The following GDA variants were observed in gnomAD, a reference collection of about 807,000 sequenced individuals.
GDA encodes the protein guanine deaminase, also known as cytoplasmic PSD-95 interactor.
A neutral mutation model predicts 59.6 loss-of-function variants in GDA; 18 were observed. The ratio of observed to expected loss-of-function variants is 0.30; its 90% CI spans 0.21 to 0.45. The LOEUF is 0.45. Among genes scored for constraint, GDA ranks in the 20% least tolerant of loss-of-function variants. The pLI, the probability that GDA is intolerant of heterozygous loss-of-function variation, is 1.00. For missense variants in GDA, 427 were observed against 552.3 expected (o/e 0.77, Z 2.27); for synonymous variants, 201 against 201.1 (o/e 1.00, Z 0.00).
At chr9:72,191,018 G>A (rs778352661) in intron 1 of GDA, among the ~76,000 whole-genome samples, 4 of 151,958 alleles carry the variant, frequency 2.6e-5, no homozygotes, top group African/African-American at 7.3e-5. Context: ...GAGTAGATGC[G>A]AATGGAAAAA....
chr9:72,226,221 T>C (rs1250403103), intron 8 of GDA, among the ~76,000 whole-genome samples: 2 of 152,188 alleles, frequency 1.3e-5, no homozygotes, highest in African/African-American at 4.8e-5. Context: ...ATGCTAATTT[T>C]ATATTAAAGT....
intron 10 of GDA, among the ~76,000 whole-genome samples, chr9:72,237,570 A>T (rs377499892): frequency 1.3e-3 from 193 of 152,220 alleles, no homozygotes; most frequent in African/African-American, 4.5e-3. Context: ...CATGTGATTT[A>T]ATATACTCAG....
intron 1 of GDA, among the ~76,000 whole-genome samples, chr9:72,153,855 C>T (rs368742321): frequency 2.9e-4 from 43 of 146,556 alleles, no homozygotes; most frequent in African/African-American, 1.0e-3. Flanking sequence ...GGAGATATAC[C>T]TAATGCTAAA....
chr9:72,246,479 C>A (rs1246893498), intron 12 of GDA, among the ~76,000 whole-genome samples: 1 of 152,146 alleles, frequency 6.6e-6, no homozygotes, highest in Admixed American at 6.5e-5. Flanking sequence ...GACATAGGTG[C>A]CTTCATAAGG....
chr9:72,232,580 A>T (rs1238037912), intron 10 of GDA, among the ~76,000 whole-genome samples: 1 of 152,206 alleles, frequency 6.6e-6, no homozygotes. Flanking sequence ...TTGGTTACAC[A>T]CTATAGTCAG....
intron 1 of GDA, among the ~76,000 whole-genome samples, chr9:72,190,677 A>G (rs888171738): frequency 6.6e-6 from 1 of 152,136 alleles, no homozygotes; most frequent in Admixed American, 6.5e-5. Flanking sequence ...TTGAATTACT[A>G]ATTCTATTCT....
chr9:72,197,559 T>C (rs2131293052), intron 2 of GDA: 1 of 152,246 alleles, frequency 6.6e-6, no homozygotes, highest in Non-Finnish European at 1.5e-5. Context: ...TAAACATAAC[T>C]GTGGGTCTTC....
chr9:72,233,212 A>T (rs1450111981), intron 10 of GDA, among the ~76,000 whole-genome samples: 4 of 152,242 alleles, frequency 2.6e-5, no homozygotes, highest in Admixed American at 2.6e-4. Flanking sequence ...CACCCTGTCT[A>T]TAACAAGTGC....
At chr9:72,122,297 G>A (rs1205270682) in intron 1 of GDA, among the ~76,000 whole-genome samples, 1 of 152,164 alleles carries the variant, frequency 6.6e-6, no homozygotes, top group Non-Finnish European at 1.5e-5. Flanking sequence ...TTCTTGGCAT[G>A]AGCAGCTAGA....
At chr9:72,236,505 A>G (rs919123546) in intron 10 of GDA, among the ~76,000 whole-genome samples, 1 of 152,188 alleles carries the variant, frequency 6.6e-6, no homozygotes, top group Non-Finnish European at 1.5e-5. Flanking sequence ...CGAAATTCAC[A>G]CACCTTTCTG....
Position 72,245,144 on chromosome 9 carries a change from A to G in GDA, c.1136-4A>G. On this transcript the variant is annotated splice_region_variant and splice_polypyrimidine_tract_variant and intron_variant, in intron 11 of 13. Coordinates refer to ENST00000358399, the MANE Select transcript of GDA (RefSeq NM_004293.5). Reference sequence around the variant, plus strand: ...CTGACTGTTTATTCACTTGTTCTCAATAGCCCTGGGGCTGGATGGTGAGAT... The same window carrying G: ...CTGACTGTTTATTCACTTGTTCTCAGTAGCCCTGGGGCTGGATGGTGAGAT... 6.2e-7 allele frequency: 1 copy of G among 1,613,686 alleles called. No homozygotes were observed. The highest frequency in any genetic ancestry group is 8.5e-7 in the Non-Finnish European group (1 of 1,179,658).
intron 1 of GDA, among the ~76,000 whole-genome samples, chr9:72,118,772 G>A (rs1294353475): frequency 2.0e-5 from 3 of 152,206 alleles, no homozygotes; most frequent in African/African-American, 7.2e-5. Context: ...AAAGAAATAG[G>A]CACGCTCATA....
chr9:72,175,686 T>C lies in GDA; in HGVS notation c.124-19814T>C, dbSNP rs561488644. ...GTGAGACTGCATTAATCTTTTGTTG[T>C]AGATTTGAATGTGGGGTGAAAATCA... On this transcript the variant is annotated intron_variant, in intron 1 of 13. Transcript: ENST00000358399. Among the ~76,000 whole-genome samples, 5 of 152,322 alleles carry C rather than the reference T, an allele frequency of 3.3e-5. No homozygotes were observed. In the East Asian group the frequency reaches 9.6e-4, roughly 29 times the overall value.
At chr9:72,191,651 T>A (rs151132517) in intron 1 of GDA, among the ~76,000 whole-genome samples, 1,602 of 152,170 alleles carry the variant, frequency 0.011, 36 homozygotes, top group African/African-American at 0.037. Flanking sequence ...AATGGCGCAA[T>A]CTCGGCTCAC....
chr9:72,224,335 C>T (rs993733228), intron 7 of GDA, among the ~76,000 whole-genome samples: 1 of 152,122 alleles, frequency 6.6e-6, no homozygotes, highest in African/African-American at 2.4e-5. Flanking sequence ...TGGTCTGGGA[C>T]TTCCTCAAGG....
chr9:72,246,769 G>A (rs1840184120), intron 12 of GDA, among the ~76,000 whole-genome samples: 1 of 152,056 alleles, frequency 6.6e-6, no homozygotes, highest in African/African-American at 2.4e-5. Context: ...TTTGATTTGA[G>A]GGTAGCGTGT....
intron 1 of GDA, among the ~76,000 whole-genome samples, chr9:72,137,248 T>TC (rs1180297792): frequency 5.1e-4 from 66 of 128,530 alleles, no homozygotes; most frequent in Non-Finnish European, 9.7e-4. Flanking sequence ...TTTTCTTTTT[T>TC]TTTTTTTTTT....
chr9:72,138,216 A>G (rs540368732), intron 1 of GDA, among the ~76,000 whole-genome samples: 4 of 152,160 alleles, frequency 2.6e-5, no homozygotes, highest in Non-Finnish European at 5.9e-5. Context: ...GCAGTTACCC[A>G]AGAGACTTCC....
At position 72,123,091 on chromosome 9, in the gene GDA, TTATC is replaced by T. The variant is rs1406820964; in HGVS notation, c.-100+8260_-100+8263del. On this transcript the variant is annotated intron_variant, in intron 1 of 13. Coordinates refer to the GDA transcript ENST00000545168. ...AAGTTCTCTTTTGTTCCCTAATTAC[TTATC>T]TTTCTTCAAGGCAGTTATTCTTCTT... 5.9e-5 allele frequency among the ~76,000 whole-genome samples: 9 copies of T among 152,274 alleles called. No individual in the cohort carries two copies. In the East Asian group the frequency reaches 1.7e-3, roughly 29 times the overall value.
Sources: allele counts gnomAD v4.1 joint callset (sites outside exome capture counted in the v4.1 genomes callset), GRCh38; gene constraint gnomAD v4.1.1; transcripts MANE v1.5; gene names NCBI Gene and HGNC (gene_info 2026-07-23, HGNC 2026-07-21).